Variants in DAB1 observed in about 807,000 individuals in gnomAD.
DAB1 encodes the protein disabled homolog 1.
DAB1 carries 15 observed loss-of-function variants against 64.6 expected under a neutral mutation model. The ratio of observed to expected loss-of-function variants is 0.23; its 90% CI spans 0.16 to 0.36. The LOEUF is 0.36. Among genes scored for constraint, DAB1 ranks in the 10% least tolerant of loss-of-function variants. The pLI is 1.00. For missense variants in DAB1, 596 were observed against 706.7 expected (o/e 0.84, Z 1.78); for synonymous variants, 235 against 251.9 (o/e 0.93, Z 0.64).
intron 3 of DAB1, among the ~76,000 whole-genome samples, chr1:58,493,087 C>T (rs1008193229): frequency 7.2e-5 from 11 of 152,166 alleles, no homozygotes; most frequent in African/African-American, 2.7e-4. Context: ...TGGGCTTCAT[C>T]CCTGGGATGC....
intron 1 of DAB1, among the ~76,000 whole-genome samples, chr1:57,415,456 T>C (rs1274428475): frequency 6.6e-6 from 1 of 152,192 alleles, no homozygotes; most frequent in Non-Finnish European, 1.5e-5. Flanking sequence ...TAAATTCAAC[T>C]ACGTTAAAAT....
intron 4 of DAB1, among the ~76,000 whole-genome samples, chr1:58,155,093 G>A (rs1655150420): frequency 2.0e-5 from 3 of 152,170 alleles, no homozygotes; most frequent in Non-Finnish European, 4.4e-5. Context: ...GGGCCTCAGG[G>A]CCGGCCCAGA....
In DAB1 at chr1:58,358,688, C is replaced by G. The variant is rs562447989; in HGVS notation, n.258-15285G>C. ...AAAAGCAATCAGAGCTGCCAGCCTC[C>G]CAACTGAGAACTGTTTAAAATAGCA... On this transcript the variant is annotated intron_variant and non_coding_transcript_variant, in intron 3 of 20. Coordinates refer to the DAB1 transcript ENST00000485760. Among the ~76,000 whole-genome samples the G allele has an allele frequency of 2.0e-5, 3 of 152,200 alleles. No homozygotes were observed. In the South Asian group the frequency reaches 6.2e-4, roughly 32 times the overall value.
intron 3 of DAB1, among the ~76,000 whole-genome samples, chr1:58,442,670 G>A (rs889138328): frequency 3.9e-5 from 6 of 152,214 alleles, no homozygotes; most frequent in African/African-American, 1.4e-4. Context: ...TCACTGACAA[G>A]CTGTGTGTCC....
rs367897659 is a variant in DAB1 at position 57,922,845 on chromosome 1, C to CAAA, written n.388-38686_388-38684dup. ...TGGGTGACAAAGCGAGACTCCATCT[C>CAAA]AAAAAAAAAAAAAAAAAAAAAAAGA... On this transcript the variant is annotated intron_variant and non_coding_transcript_variant, in intron 5 of 20. Coordinates refer to the DAB1 transcript ENST00000485760. 1.4e-3 allele frequency among the ~76,000 whole-genome samples: 63 copies of CAAA among 44,602 alleles called. 1 individual carries two copies. Among genetic ancestry groups the CAAA allele is most frequent in the South Asian group, 2.7e-3 (2 of 744 alleles). The allele number at this position is 44,602 out of a possible 152,430, so 29.3% of individuals were successfully genotyped here.
chr1:57,613,804 G>A (rs1023972688), intron 7 of DAB1, among the ~76,000 whole-genome samples: 2 of 152,180 alleles, frequency 1.3e-5, no homozygotes, highest in Admixed American at 6.5e-5. Context: ...TACAGCGAAA[G>A]GCACAACGGC....
intron 7 of DAB1, among the ~76,000 whole-genome samples, chr1:57,585,167 C>A (rs938593867): frequency 6.8e-6 from 1 of 146,332 alleles, no homozygotes; most frequent in Non-Finnish European, 1.5e-5. Flanking sequence ...GAGAATCGCT[C>A]GAACCTGGGA....
Position 57,264,688 on chromosome 1 carries a change from G to A in DAB1, c.67+26276C>T, listed in dbSNP as rs910942345. On this transcript the variant is annotated intron_variant, in intron 2 of 14. Coordinates refer to ENST00000371236, the MANE Select transcript of DAB1 (RefSeq NM_001365792.1). ...CGCCTAAACATTGAGAGCAGGTCTC[G>A]TGATCTCCCCACCCTCCCAGGCTCT... Among the ~76,000 whole-genome samples, 13 of 143,862 alleles carry A rather than the reference G, an allele frequency of 9.0e-5. No homozygotes were observed. The South Asian group carries it at 1.3e-3, about 14-fold the overall frequency. 94.4% of individuals were successfully genotyped at this position (143,862 alleles called of 152,430 possible).
chr1:58,015,249 C>T (rs17116712), intron 5 of DAB1, among the ~76,000 whole-genome samples: 15,638 of 152,132 alleles, frequency 0.1, 951 homozygotes, highest in East Asian at 0.21. Context: ...CTCTGCATCC[C>T]ATCTGGCCTT....
chr1:58,334,626 T>TATC (rs1557734032), intron 4 of DAB1, among the ~76,000 whole-genome samples: 43 of 131,650 alleles, frequency 3.3e-4, no homozygotes, highest in African/African-American at 1.1e-3. Flanking sequence ...TATATTATAT[T>TATC]ATATTATATC....
At chr1:58,300,380 T>C (rs1228583683) in intron 4 of DAB1, among the ~76,000 whole-genome samples, 1 of 151,634 alleles carries the variant, frequency 6.6e-6, no homozygotes, top group East Asian at 1.9e-4. Flanking sequence ...ACCCCGTCTC[T>C]ACTGAAAATA....
intron 5 of DAB1, among the ~76,000 whole-genome samples, chr1:57,901,697 T>C (rs1644476153): frequency 6.6e-6 from 1 of 152,110 alleles, no homozygotes; most frequent in South Asian, 2.1e-4. Flanking sequence ...TCCCCAGTGC[T>C]TCCCAGTCTG....
At chr1:58,355,137 G>A (rs1468649871) in intron 3 of DAB1, among the ~76,000 whole-genome samples, 1 of 152,188 alleles carries the variant, frequency 6.6e-6, no homozygotes, top group Admixed American at 6.5e-5. Context: ...TTCACAGGTT[G>A]TCAAAGAGAT....
intron 2 of DAB1, among the ~76,000 whole-genome samples, chr1:57,274,330 T>C (rs1671284403): frequency 6.6e-6 from 1 of 152,200 alleles, no homozygotes; most frequent in Admixed American, 6.5e-5. Flanking sequence ...ATGTTCTAAG[T>C]CAGAGGCTGA....
chr1:57,276,774 T>A (rs1355255616), intron 2 of DAB1, among the ~76,000 whole-genome samples: 1 of 152,244 alleles, frequency 6.6e-6, no homozygotes. Context: ...GGGAAGTCCT[T>A]GGATAGTTGG....
chr1:57,153,504 A>C (rs1659893882), intron 2 of DAB1, among the ~76,000 whole-genome samples: 1 of 152,218 alleles, frequency 6.6e-6, no homozygotes, highest in Admixed American at 6.5e-5. Flanking sequence ...CAACTTGAAA[A>C]ATCCTCAGGG....
intron 4 of DAB1, among the ~76,000 whole-genome samples, chr1:57,080,392 A>G (rs975857959): frequency 1.3e-5 from 2 of 152,230 alleles, no homozygotes; most frequent in African/African-American, 4.8e-5. Flanking sequence ...TTCACCAACA[A>G]TTAAAACGAG....
chr1:58,368,776 C>T (rs555895366), intron 3 of DAB1, among the ~76,000 whole-genome samples: 17 of 152,268 alleles, frequency 1.1e-4, no homozygotes, highest in African/African-American at 3.9e-4. Context: ...TCTGGGGCCA[C>T]TGGAAACTTC....
chr1:58,410,843 G>A (rs975176447), intron 3 of DAB1, among the ~76,000 whole-genome samples: 4 of 152,184 alleles, frequency 2.6e-5, no homozygotes, highest in Non-Finnish European at 5.9e-5. Flanking sequence ...ACCACCAATA[G>A]ACTGTGGTGG....
Sources: gnomAD v4.1 joint callset for allele counts (sites outside exome capture counted in the v4.1 genomes callset) on GRCh38, gnomAD v4.1.1 for gene constraint, MANE v1.5 for transcripts, NCBI Gene and HGNC (gene_info 2026-07-23, HGNC 2026-07-21) for gene names.